Variants in GJA1 observed in about 807,000 individuals in gnomAD.
GJA1 encodes the protein gap junction protein alpha 1.
In GJA1, 9 loss-of-function variants were observed where a neutral mutation model predicts 31.0. The ratio of observed to expected loss-of-function variants is 0.29; its 90% confidence interval spans 0.17 to 0.51. The LOEUF is 0.51. Among genes scored for constraint, GJA1 ranks in the 20% least tolerant of loss-of-function variants. GJA1 has a pLI of 0.98. For synonymous variants in GJA1, 186 were observed against 180.1 expected (o/e 1.03, Z -0.26); for missense variants, 278 against 468.8 (o/e 0.59, Z 3.76).
chr6:121,444,479 C>T (rs1270636935), intron 1 of GJA1, among the ~76,000 whole-genome samples: 2 of 152,140 alleles, frequency 1.3e-5, no homozygotes, highest in African/African-American at 4.8e-5. Flanking sequence ...TTGTTCGGTC[C>T]AGGAAATCCC....
intron 1 of GJA1, among the ~76,000 whole-genome samples, chr6:121,443,278 T>C (rs1773828197): frequency 6.6e-6 from 1 of 152,230 alleles, no homozygotes; most frequent in African/African-American, 2.4e-5. Context: ...CAATTTTTGT[T>C]ACCTGTTTTT....
intron 1 of GJA1, among the ~76,000 whole-genome samples, chr6:121,437,518 G>GA (rs1773690361): frequency 6.6e-6 from 1 of 152,112 alleles, no homozygotes; most frequent in Non-Finnish European, 1.5e-5. Flanking sequence ...GGCTCAAGGG[G>GA]AAAGGGCAGG....
chr6:121,437,116 T>TA lies in GJA1; in HGVS notation c.-17+1285dup, dbSNP rs370176304. Among the ~76,000 whole-genome samples the TA allele has an allele frequency of 4.4e-3, 675 of 152,328 alleles. 7 individuals carry two copies. Among genetic ancestry groups the TA allele is most frequent in the African/African-American group, 0.016 (662 of 41,580 alleles). The stretch of plus-strand genomic sequence containing the variant: ...GGGCGCGGGGCGCCTCCTGCCATCT[T>TA]AGCGTCTGCCGGGATCCTTCCCGCG... On this transcript the variant is annotated intron_variant, in intron 1 of 1. Transcript: ENST00000282561.
At chr6:121,443,817 A>T (rs1376332823) in intron 1 of GJA1, among the ~76,000 whole-genome samples, 1 of 152,174 alleles carries the variant, frequency 6.6e-6, no homozygotes, top group Non-Finnish European at 1.5e-5. Flanking sequence ...CATGAATGTG[A>T]TGAGATGTAT....
rs774210184 is a variant in GJA1 at position 121,447,673 on chromosome 6, G to A, written c.826G>A (p.Ala276Thr). The change falls in exon 2 of 2, where the codon GCT (alanine) becomes ACT (threonine). Residue 276 changes from alanine (A) to threonine (T), a missense_variant. Ala to Thr is a moderately conservative substitution (Grantham distance 58). Around this residue, in one of 3 missense-constraint regions of GJA1, gnomAD observed 172 missense variants for 190.9 expected, o/e 0.90. Coordinates refer to ENST00000282561, the MANE Select transcript of GJA1 (RefSeq NM_000165.5). ...TTTCAATGGCTGCTCCTCACCAACC[G>A]CTCCCCTCTCGCCTATGTCTCCTCC... is the stretch of plus-strand genomic sequence containing the variant. The part of the protein sequence containing the change: ...AYFNGCSSPT[A>T]PLSPMSPPGY... The A allele has an allele frequency of 2.7e-5, 43 of 1,613,760 alleles. No homozygotes were observed. The highest frequency in any genetic ancestry group is 4.0e-5 in the African/African-American group (3 of 74,848).
At chr6:121,446,217 C>G (rs1773886998) in intron 1 of GJA1, among the ~76,000 whole-genome samples, 1 of 152,020 alleles carries the variant, frequency 6.6e-6, no homozygotes, top group Non-Finnish European at 1.5e-5. Flanking sequence ...ATCGCTGGAA[C>G]CTAAGAGGCG....
intron 1 of GJA1, among the ~76,000 whole-genome samples, chr6:121,437,820 G>T (rs1422472107): frequency 1.3e-5 from 2 of 152,114 alleles, no homozygotes; most frequent in African/African-American, 4.8e-5. Flanking sequence ...TTGCTTCCTC[G>T]ACCCAGTTAG....
chr6:121,445,213 C>T (rs1257550332), intron 1 of GJA1, among the ~76,000 whole-genome samples: 1 of 152,122 alleles, frequency 6.6e-6, no homozygotes, highest in Non-Finnish European at 1.5e-5. Context: ...AGTGCAGTGG[C>T]GTGATCTCTG....
chr6:121,440,078 G>C (rs543304862), intron 1 of GJA1, among the ~76,000 whole-genome samples: 1 of 152,226 alleles, frequency 6.6e-6, no homozygotes, highest in East Asian at 1.9e-4. Context: ...TATCATTCTT[G>C]AAATAAACAC....
chr6:121,445,531 A>G (rs1773872555), intron 1 of GJA1, among the ~76,000 whole-genome samples: 1 of 152,196 alleles, frequency 6.6e-6, no homozygotes, highest in Admixed American at 6.5e-5. Context: ...AATGGGATGT[A>G]TAGCCTGAGG....
At position 121,447,600 on chromosome 6, in the gene GJA1, T is replaced by C. The variant is rs762399631; in HGVS notation, c.753T>C (p.Ser251=). 2 of 1,613,834 alleles carry C rather than the reference T, an allele frequency of 1.2e-6. No homozygotes were observed. Among genetic ancestry groups the C allele is most frequent in the Non-Finnish European group, 1.7e-6 (2 of 1,179,940 alleles). ...KGKSDPYHAT[S]GALSPAKDCG... is the part of the protein sequence containing the mutation. ...AGAGCGACCCTTACCATGCGACCAG[T>C]GGTGCGCTGAGCCCTGCCAAAGACT... The change falls in exon 2 of 2, where the codon AGT becomes AGC. Residue 251 remains serine (S), a synonymous_variant. Transcript: ENST00000282561.
chr6:121,447,261 T>G lies in GJA1; in HGVS notation c.414T>G (p.Gly138=). The G allele has an allele frequency of 6.2e-7, 1 of 1,614,144 alleles. No homozygotes were observed. The highest frequency in any genetic ancestry group is 8.5e-7 in the Non-Finnish European group (1 of 1,180,016). Residue 138 remains glycine (G), a synonymous_variant, in exon 2 of 2, where the codon GGT becomes GGG. Coordinates refer to ENST00000282561, the MANE Select transcript of GJA1 (RefSeq NM_000165.5). ...TTGAGATAAAGAAGTTCAAGTACGG[T>G]ATTGAAGAGCATGGTAAGGTGAAAA... ...KQIEIKKFKY[G]IEEHGKVKMR...
intron 1 of GJA1, among the ~76,000 whole-genome samples, chr6:121,444,894 C>T (rs1773859871): frequency 6.6e-6 from 1 of 152,204 alleles, no homozygotes; most frequent in Non-Finnish European, 1.5e-5. Context: ...GCTTTCAGCC[C>T]TGGCTAAGGT....
chr6:121,437,447 C>T (rs1349462336), intron 1 of GJA1, among the ~76,000 whole-genome samples: 2 of 150,086 alleles, frequency 1.3e-5, no homozygotes, highest in Non-Finnish European at 2.9e-5. Context: ...GGGAATTGTG[C>T]TTAAATTGCA....
chr6:121,442,651 C>T (rs1205311619), intron 1 of GJA1, among the ~76,000 whole-genome samples: 1 of 152,186 alleles, frequency 6.6e-6, no homozygotes, highest in Non-Finnish European at 1.5e-5. Flanking sequence ...TTCCTAGGCC[C>T]CACCTCCAGA....
rs778457698 is a variant in GJA1, at chr6:121,447,743, G to T, written c.896G>T (p.Arg299Leu). Residue 299 changes from arginine (R) to leucine (L), a missense_variant, in exon 2 of 2, where the codon CGC becomes CTC. Transcript: ENST00000282561. ...VTGDRNNSSC[R>L]NYNKQASEQN... ...GGCGACAGAAACAATTCTTCTTGCC[G>T]CAATTACAACAAGCAAGCAAGTGAG... The T allele has an allele frequency of 1.2e-6, 2 of 1,613,990 alleles. No individual in the cohort carries two copies. Among genetic ancestry groups the T allele is most frequent in the East Asian group, 2.2e-5 (1 of 44,874 alleles).
chr6:121,446,107 G>C (rs1036906952), intron 1 of GJA1, among the ~76,000 whole-genome samples: 3 of 152,108 alleles, frequency 2.0e-5, no homozygotes, highest in African/African-American at 7.2e-5. Flanking sequence ...ACCAGCCTGA[G>C]CAACATGGAG....
rs1249828378 is a variant in GJA1 at position 121,449,530 on chromosome 6, G to GT, written c.*1535dup. 6.0e-6 allele frequency: 1 copy of GT among 167,008 alleles called. No individual in the cohort carries two copies. The highest frequency in any genetic ancestry group is 1.5e-5 in the Non-Finnish European group (1 of 68,116). 10.3% of individuals were successfully genotyped at this position (167,008 alleles called of 1,614,324 possible). ...CACAGAAGATTGGTGAAAATGCTGA[G>GT]TATGACACTTTTCTTCTTGCATGCA... On this transcript the variant is annotated 3_prime_UTR_variant, in exon 2 of 2. Coordinates refer to ENST00000282561, the MANE Select transcript of GJA1 (RefSeq NM_000165.5).
At chr6:121,445,414 G>A (rs546400791) in intron 1 of GJA1, among the ~76,000 whole-genome samples, 2 of 152,258 alleles carry the variant, frequency 1.3e-5, no homozygotes, top group African/African-American at 2.4e-5. Flanking sequence ...GCTTATAGGC[G>A]TGAGTGCATT....
Sources: gnomAD v4.1 joint callset for allele counts (sites outside exome capture counted in the v4.1 genomes callset) on GRCh38, gnomAD v4.1.1 for gene constraint, gnomAD v4.1.1 regional missense constraint, MANE v1.5 for transcripts, NCBI Gene and HGNC (gene_info 2026-07-23, HGNC 2026-07-21) for gene names.